Variants in GRK4 observed in about 807,000 individuals in gnomAD.
The protein encoded by GRK4 is G protein-coupled receptor kinase 4.
In GRK4, 73 loss-of-function variants were observed where a neutral mutation model predicts 77.9. The ratio of observed to expected loss-of-function variants is 0.94; its 90% CI spans 0.78 to 1.14. The LOEUF (loss-of-function observed/expected upper bound fraction) is 1.14. GRK4 is among the 50% of genes most tolerant of loss of function. The pLI, the probability that GRK4 is intolerant of heterozygous loss-of-function variation, is 0.00. For missense variants in GRK4, 729 were observed against 700.2 expected (o/e 1.04, Z -0.46); for synonymous variants, 257 against 254.4 (o/e 1.01, Z -0.10).
intron 2 of GRK4, chr4:2,986,835 T>C: frequency 2.8e-6 from 1 of 352,704 alleles, no homozygotes; most frequent in South Asian, 2.1e-5. Flanking sequence ...TAAAGAAAGA[T>C]GATGAAGTAT....
intron 2 of GRK4, among the ~76,000 whole-genome samples, chr4:2,986,517 G>A (rs879388761): frequency 4.0e-5 from 6 of 151,270 alleles, no homozygotes; most frequent in African/African-American, 9.7e-5. Context: ...CACCACGCCC[G>A]GCTAATTTTT....
At chr4:2,997,705 T>A (rs1474690945) in intron 4 of GRK4, among the ~76,000 whole-genome samples, 1 of 151,942 alleles carries the variant, frequency 6.6e-6, no homozygotes, top group African/African-American at 2.4e-5. Context: ...GTCAGGAGTT[T>A]GAGGCCAGCC....
At chr4:3,038,341 T>C in intron 14 of GRK4, 35 bp from the exon 15 acceptor site, 1 of 1,612,102 alleles carries the variant, frequency 6.2e-7, no homozygotes, top group Non-Finnish European at 8.5e-7. Context: ...GCAGTTTCTC[T>C]GCGGCTTCTC....
intron 4 of GRK4, among the ~76,000 whole-genome samples, chr4:2,998,534 T>C (rs1728627679): frequency 6.6e-6 from 1 of 152,042 alleles, no homozygotes; most frequent in African/African-American, 2.4e-5. Context: ...TAAGTCACTA[T>C]ACAAAATTTA....
chr4:2,964,001 GTCTCCT>G lies in GRK4; in HGVS notation c.-69_-64del. 7.1e-7 allele frequency: 1 copy of G among 1,407,166 alleles called. No individual in the cohort carries two copies. The highest frequency in any genetic ancestry group is 9.9e-7 in the Non-Finnish European group (1 of 1,007,746). 87.2% of individuals were successfully genotyped at this position (1,407,166 alleles called of 1,614,324 possible). A position where few individuals can be genotyped will look rare whatever the true frequency, so the allele number is the denominator to read the frequency against. The stretch of plus-strand genomic sequence containing the variant: ...GCGAGCTATGCACGGGGGCGGCGGC[GTCTCCT>G]CCTGTTCCGCCTCCTCAGTCTCCTC... On this transcript the variant is annotated 5_prime_UTR_variant, in exon 1 of 16. Coordinates refer to ENST00000398052, the MANE Select transcript of GRK4 (RefSeq NM_182982.3).
Position 3,037,297 on chromosome 4 carries a change from C to T in GRK4, c.1408-77C>T, listed in dbSNP as rs570325692. 46 of 1,387,528 alleles carry T rather than the reference C, an allele frequency of 3.3e-5. No homozygotes were observed. The South Asian group carries it at 3.8e-4, about 11-fold the overall frequency. 86.0% of individuals were successfully genotyped at this position (1,387,528 alleles called of 1,614,324 possible). A position where few individuals can be genotyped will look rare whatever the true frequency, so the allele number is the denominator to read the frequency against. ...GGTGTTTATGCGTCAGTTTGCTGGG[C>T]GTTTCATTCTTGGGAACTGAGGGAG... On this transcript the variant is annotated intron_variant, in intron 13 of 15. Coordinates refer to ENST00000398052, the MANE Select transcript of GRK4 (RefSeq NM_182982.3).
intron 4 of GRK4, among the ~76,000 whole-genome samples, chr4:2,993,993 A>T (rs1321847232): frequency 6.6e-6 from 1 of 152,192 alleles, no homozygotes; most frequent in Non-Finnish European, 1.5e-5. Flanking sequence ...AGAGTGCCAG[A>T]GGGGATGGCC....
intron 11 of GRK4, among the ~76,000 whole-genome samples, chr4:3,028,958 G>C (rs1004360773): frequency 6.6e-6 from 1 of 152,094 alleles, no homozygotes; most frequent in African/African-American, 2.4e-5. Context: ...TTTTAGTAGA[G>C]ACAGGGTTTC....
intron 4 of GRK4, among the ~76,000 whole-genome samples, chr4:2,995,822 G>T (rs1478570049): frequency 6.6e-6 from 1 of 152,180 alleles, no homozygotes; most frequent in Non-Finnish European, 1.5e-5. Flanking sequence ...ATACAATGTT[G>T]TTTGACCCGA....
chr4:3,021,159 G>A (rs776168920), intron 9 of GRK4, among the ~76,000 whole-genome samples: 12 of 152,134 alleles, frequency 7.9e-5, no homozygotes, highest in Admixed American at 2.0e-4. Context: ...CTTGGGTCCT[G>A]CTGCTCCCAC....
At chr4:2,971,990 A>G (rs775219916) in intron 1 of GRK4, among the ~76,000 whole-genome samples, 1 of 152,222 alleles carries the variant, frequency 6.6e-6, no homozygotes, top group Non-Finnish European at 1.5e-5. Flanking sequence ...TCTCCAAATA[A>G]GATCACTGTC....
intron 4 of GRK4, among the ~76,000 whole-genome samples, chr4:3,003,800 G>C (rs913145832): frequency 6.6e-6 from 1 of 151,630 alleles, no homozygotes; most frequent in Admixed American, 6.6e-5. Context: ...GCAGTGGCGT[G>C]ATCTCAGCTC....
At position 3,037,359 on chromosome 4, in the gene GRK4, G is replaced by A. The variant is rs756004767; in HGVS notation, c.1408-15G>A. 2 of 1,572,782 alleles carry A rather than the reference G, an allele frequency of 1.3e-6. No individual in the cohort carries two copies. Among genetic ancestry groups the A allele is most frequent in the Non-Finnish European group, 8.7e-7 (1 of 1,147,862 alleles). On this transcript the variant is annotated splice_polypyrimidine_tract_variant and intron_variant, in intron 13 of 15. Transcript: ENST00000398052. ...TGTAGTCATCTCAGAGGCTGCCCCT[G>A]TTCTTGCTACACAGCCTCATGCCGT...
intron 12 of GRK4, among the ~76,000 whole-genome samples, chr4:3,032,608 G>A (rs1284193752): frequency 6.6e-6 from 1 of 152,162 alleles, no homozygotes; most frequent in African/African-American, 2.4e-5. Context: ...TGAGGGCTCT[G>A]TGTGAGAAGC....
intron 1 of GRK4, chr4:2,969,220 C>G (rs957986866): frequency 6.6e-6 from 1 of 152,142 alleles, no homozygotes. Context: ...CTTTGAAATT[C>G]CCTAGCTGAG....
At chr4:3,000,727 G>A (rs546518413) in intron 4 of GRK4, among the ~76,000 whole-genome samples, 6 of 151,870 alleles carry the variant, frequency 4.0e-5, no homozygotes, top group Admixed American at 3.9e-4. Context: ...ATTATGCCCA[G>A]CTAATTTTTT....
intron 6 of GRK4, 55 bp downstream of exon 6, chr4:3,007,883 G>A (rs926629277): frequency 7.6e-6 from 9 of 1,187,366 alleles, no homozygotes; most frequent in Non-Finnish European, 1.1e-5. Context: ...CATGCCTGTA[G>A]TCCCAGCTAC....
At chr4:2,975,568 C>T (rs28638062) in intron 1 of GRK4, among the ~76,000 whole-genome samples, 2,213 of 152,242 alleles carry the variant, frequency 0.015, 64 homozygotes, top group African/African-American at 0.05. Context: ...TCTGCCCTCA[C>T]CTGTGTTCAC....
chr4:3,025,297 A>G (rs1277366138), intron 10 of GRK4, among the ~76,000 whole-genome samples: 10 of 150,894 alleles, frequency 6.6e-5, no homozygotes, highest in African/African-American at 2.2e-4. Flanking sequence ...AAAGTCACTC[A>G]GTATCATTCC....
Sources: gnomAD v4.1 joint callset for allele counts (sites outside exome capture counted in the v4.1 genomes callset) on GRCh38, gnomAD v4.1.1 for gene constraint, MANE v1.5 for transcripts, NCBI Gene and HGNC (gene_info 2026-07-23, HGNC 2026-07-21) for gene names.